PLA2G5: variants seen among roughly 807,000 people sequenced by gnomAD.
PLA2G5 encodes the protein Ca2+-dependent phospholipase A2.
In PLA2G5, 12 loss-of-function variants were observed where a neutral mutation model predicts 15.9. The ratio of observed to expected loss-of-function variants is 0.76; its 90% confidence interval spans 0.48 to 1.23. PLA2G5 has a LOEUF of 1.23. Among genes scored for constraint, PLA2G5 ranks in the 50% most tolerant of loss-of-function variants. The pLI is 0.00. For missense variants in PLA2G5, 169 were observed against 177.1 expected, an observed-to-expected ratio of 0.95 and a Z score of 0.26; for synonymous variants, 71 against 71.4, an observed-to-expected ratio of 0.99 and a Z score of 0.03.
chr1:20,033,639 A>G (rs934563821), intron 1 of PLA2G5, among the ~76,000 whole-genome samples: 1 of 152,146 alleles, frequency 6.6e-6, no homozygotes, highest in Non-Finnish European at 1.5e-5. Context: ...TTTGAGAGGT[A>G]TGCAATAGTT....
intron 1 of PLA2G5, among the ~76,000 whole-genome samples, chr1:20,038,873 G>A (rs897777129): frequency 7.2e-5 from 11 of 152,230 alleles, no homozygotes; most frequent in African/African-American, 2.2e-4. Context: ...GGTTGTTGAT[G>A]TCCTCAGCGT....
chr1:20,087,145 T>C (rs536993905), intron 3 of PLA2G5, among the ~76,000 whole-genome samples: 15 of 152,342 alleles, frequency 9.8e-5, no homozygotes, highest in African/African-American at 3.6e-4. Context: ...GGTAGCAGTA[T>C]GCATAGATAT....
intron 1 of PLA2G5, among the ~76,000 whole-genome samples, chr1:20,044,252 G>C (rs1267490510): frequency 6.6e-6 from 1 of 152,280 alleles, no homozygotes; most frequent in East Asian, 1.9e-4. Context: ...CTGGAGGTAT[G>C]GCTGGGTTTT....
intron 2 of PLA2G5, among the ~76,000 whole-genome samples, chr1:20,060,247 CTTTTTTTTT>C (rs71585739): frequency 1.1e-4 from 9 of 83,690 alleles, no homozygotes; most frequent in East Asian, 4.9e-4. Context: ...CTTTTTTCTT[CTTTTTTTTT>C]TTTTTTTTTT....
intron 1 of PLA2G5, among the ~76,000 whole-genome samples, chr1:20,074,304 A>G (rs2015552150): frequency 6.6e-6 from 1 of 152,198 alleles, no homozygotes. Context: ...ACATATCTGC[A>G]CACGACTCTG....
rs180791260 is a variant in PLA2G5 at position 20,072,621 on chromosome 1, A to G, written c.-11+2156A>G. Among the ~76,000 whole-genome samples the G allele has an allele frequency of 9.2e-5, 14 of 152,310 alleles. No homozygotes were observed. The East Asian group carries it at 2.3e-3, about 25-fold the overall frequency. ...GCAAGGCTGGCGTAGGTTGGGGGCCAAGCTGTGCGAGGCCATGTCCTGTGA... is the reference window on the plus strand; with the variant it reads ...GCAAGGCTGGCGTAGGTTGGGGGCCGAGCTGTGCGAGGCCATGTCCTGTGA... On this transcript the variant is annotated intron_variant, in intron 1 of 4. Transcript: ENST00000375108.
At chr1:20,083,900 C>T (rs539410843) in intron 1 of PLA2G5, among the ~76,000 whole-genome samples, 1 of 151,678 alleles carries the variant, frequency 6.6e-6, no homozygotes. Context: ...TCGTGAGCCC[C>T]CAGGGTTGAC....
chr1:20,046,911 A>G (rs1467898995), intron 1 of PLA2G5, among the ~76,000 whole-genome samples: 1 of 152,172 alleles, frequency 6.6e-6, no homozygotes, highest in Non-Finnish European at 1.5e-5. Context: ...TTTTTCTCCC[A>G]AAATTAATCT....
upstream of PLA2G5, chr1:20,069,048 C>T: frequency 1.6e-6 from 1 of 643,848 alleles, no homozygotes; most frequent in Non-Finnish European, 2.5e-6. Flanking sequence ...TGTAAAAATG[C>T]TCAGTTGCAC....
chr1:20,072,464 CAG>C (rs1418172832), intron 1 of PLA2G5, among the ~76,000 whole-genome samples: 2 of 151,856 alleles, frequency 1.3e-5, no homozygotes, highest in African/African-American at 4.8e-5. Flanking sequence ...GAGGGAATAA[CAG>C]ATGAAAAGGG....
intron 1 of PLA2G5, among the ~76,000 whole-genome samples, chr1:20,043,649 T>C (rs1470024612): frequency 1.3e-5 from 2 of 152,138 alleles, no homozygotes; most frequent in Non-Finnish European, 1.5e-5. Context: ...GGTTAAAATG[T>C]CTCAGCCTAA....
rs11573234 is a variant in PLA2G5, at chr1:20,078,936, G to A, written c.-10-5885G>A. On this transcript the variant is annotated intron_variant, in intron 1 of 4. Transcript: ENST00000375108. The stretch of plus-strand genomic sequence containing the variant: ...AGCCTGGGCAACATGGTGGGACCCC[G>A]ACTCTATAAAAAATGCACAAAGAAA... Among the ~76,000 whole-genome samples, 1,156 of 151,706 alleles carry A rather than the reference G, an allele frequency of 7.6e-3. 19 individuals are homozygous for A. The highest frequency in any genetic ancestry group is 0.026 in the African/African-American group (1,085 of 41,394).
intron 1 of PLA2G5, among the ~76,000 whole-genome samples, chr1:20,075,662 A>G (rs1354911403): frequency 2.0e-5 from 3 of 152,176 alleles, no homozygotes; most frequent in Admixed American, 2.0e-4. Context: ...TGATTCCTCC[A>G]GGCAGAGAGC....
chr1:20,088,812 T>G (rs1039215617), intron 3 of PLA2G5: 1 of 152,992 alleles, frequency 6.5e-6, no homozygotes, highest in Non-Finnish European at 1.5e-5. Flanking sequence ...ATTTTTTTTT[T>G]TCTTTGAGAC....
At chr1:20,039,577 T>C (rs367597659) in intron 1 of PLA2G5, among the ~76,000 whole-genome samples, 4 of 152,324 alleles carry the variant, frequency 2.6e-5, no homozygotes, top group Admixed American at 6.5e-5. Context: ...ACTCTCCTTA[T>C]TGCAATTTAC....
At chr1:20,070,066 C>G, upstream of PLA2G5, 1 of 331,530 alleles carries the variant, frequency 3.0e-6, no homozygotes, top group Non-Finnish European at 4.3e-6. Flanking sequence ...GTGGCTAAAG[C>G]CGTGACCTGG....
intron 1 of PLA2G5, among the ~76,000 whole-genome samples, chr1:20,055,712 CTCTG>C (rs774559635): frequency 6.6e-6 from 1 of 152,204 alleles, no homozygotes; most frequent in Admixed American, 6.5e-5. Flanking sequence ...GGTTGTCTCA[CTCTG>C]TCTTTTAGAT....
At chr1:20,086,339 A>G in intron 3 of PLA2G5, 112 bp downstream of exon 3, 1 of 1,205,414 alleles carries the variant, frequency 8.3e-7, no homozygotes, top group Non-Finnish European at 1.2e-6. Context: ...TTTTACAAAT[A>G]AGAAAACTAA....
At chr1:20,071,310 C>T (rs1238014884) in intron 1 of PLA2G5, among the ~76,000 whole-genome samples, 1 of 152,276 alleles carries the variant, frequency 6.6e-6, no homozygotes, top group South Asian at 2.1e-4. Context: ...TCCTAGGATC[C>T]AATCTGTGCC....
Sources: gnomAD v4.1 joint callset for allele counts (sites outside exome capture counted in the v4.1 genomes callset) on GRCh38, gnomAD v4.1.1 for gene constraint, MANE v1.5 for transcripts, NCBI Gene and HGNC (gene_info 2026-07-23, HGNC 2026-07-21) for gene names.